Variants in DACH1 observed in about 807,000 individuals in gnomAD.
DACH1 encodes the protein dachshund homolog 1.
A neutral mutation model predicts 54.2 loss-of-function variants in DACH1; 12 were observed. The ratio of observed to expected loss-of-function variants is 0.22; its 90% CI spans 0.14 to 0.36. The LOEUF (loss-of-function observed/expected upper bound fraction) is 0.36, where lower values mean the gene tolerates loss of function less well. DACH1 is among the 10% of genes least tolerant of loss of function. The pLI, the probability that DACH1 is intolerant of heterozygous loss-of-function variation, is 1.00. For synonymous variants in DACH1, 386 were observed against 366.2 expected, an observed-to-expected ratio of 1.05 and a Z score of -0.62; for missense variants, 805 against 929.8, an observed-to-expected ratio of 0.87 and a Z score of 1.75.
chr13:71,643,024 C>CA (rs71742481), intron 2 of DACH1, among the ~76,000 whole-genome samples: 2,634 of 143,918 alleles, frequency 0.018, 40 homozygotes, highest in South Asian at 0.034. Context: ...GACTCCATCT[C>CA]AAAAAAAAAA....
intron 6 of DACH1, among the ~76,000 whole-genome samples, chr13:71,536,908 G>A (rs942737908): frequency 7.2e-5 from 11 of 152,006 alleles, no homozygotes; most frequent in African/African-American, 2.7e-4. Context: ...TCACCTAGAG[G>A]TCTTTAATAG....
intron 6 of DACH1, among the ~76,000 whole-genome samples, chr13:71,520,240 C>T (rs1593827607): frequency 6.6e-6 from 1 of 151,260 alleles, no homozygotes; most frequent in East Asian, 2.0e-4. Flanking sequence ...AAAATGGTAC[C>T]ATCTTCAGAA....
chr13:71,442,574 GAGTCCTCCCTTTTGCACAGAGTATACAGT>G (rs1314314478), intron 10 of DACH1, among the ~76,000 whole-genome samples: 1 of 152,182 alleles, frequency 6.6e-6, no homozygotes, highest in East Asian at 1.9e-4. Flanking sequence ...TGAGTATACA[GAGTCCTCCCTTTTGCACAGAGTATACAGT>G]AGTCCTCCCT....
At chr13:71,598,143 T>C (rs1045249254) in intron 3 of DACH1, among the ~76,000 whole-genome samples, 1 of 152,072 alleles carries the variant, frequency 6.6e-6, no homozygotes, top group Non-Finnish European at 1.5e-5. Context: ...ACCCTTTATA[T>C]TAAGATGCAC....
At chr13:71,844,056 TCAG>T (rs958329386) in intron 1 of DACH1, among the ~76,000 whole-genome samples, 1 of 152,134 alleles carries the variant, frequency 6.6e-6, no homozygotes, top group Non-Finnish European at 1.5e-5. Context: ...ACTACTTCCT[TCAG>T]CATATCCTTA....
intron 3 of DACH1, among the ~76,000 whole-genome samples, chr13:71,617,276 G>A (rs1286562397): frequency 7.9e-5 from 12 of 151,950 alleles, no homozygotes; most frequent in Admixed American, 7.2e-4. Flanking sequence ...GACAAATTAG[G>A]GAATACTGTC....
At chr13:71,691,086 G>A (rs1395372210) in intron 1 of DACH1, among the ~76,000 whole-genome samples, 2 of 152,104 alleles carry the variant, frequency 1.3e-5, no homozygotes, top group Non-Finnish European at 2.9e-5. Flanking sequence ...CAATGCATTT[G>A]GTCTTTCATT....
At chr13:71,752,488 T>TTC (rs112518177) in intron 1 of DACH1, among the ~76,000 whole-genome samples, 101,157 of 147,938 alleles carry the variant, frequency 0.68, 38,271 homozygotes, top group Non-Finnish European at 0.88. Flanking sequence ...CTCTCTTCCT[T>TTC]TCTCTCTCTC....
chr13:71,759,309 A>C (rs2138002858), intron 1 of DACH1, among the ~76,000 whole-genome samples: 1 of 152,228 alleles, frequency 6.6e-6, no homozygotes, highest in East Asian at 1.9e-4. Context: ...AAGACAGCCT[A>C]AGGGAGCTAA....
intron 1 of DACH1, among the ~76,000 whole-genome samples, chr13:71,865,049 A>C (rs1200129529): frequency 1.3e-5 from 2 of 152,042 alleles, no homozygotes; most frequent in African/African-American, 2.4e-5. Flanking sequence ...TTTCCTTCCT[A>C]ATCTCTCCAG....
rs115222772 is a variant in DACH1 at position 71,792,981 on chromosome 13, C to T, written c.848+72941G>A. On this transcript the variant is annotated intron_variant, in intron 1 of 10. Transcript: ENST00000613252. ...TCCTAAGAATATTATTGTAAAGGTC[C>T]TCTCTTTTGGAGCAGCTTTTAACCT... is the stretch of plus-strand genomic sequence containing the variant. 8.8e-3 allele frequency among the ~76,000 whole-genome samples: 1,336 copies of T among 152,218 alleles called. 22 individuals carry two copies. The highest frequency in any genetic ancestry group is 0.03 in the African/African-American group (1,263 of 41,540).
intron 1 of DACH1, among the ~76,000 whole-genome samples, chr13:71,686,594 G>T (rs1203279054): frequency 2.0e-5 from 3 of 152,204 alleles, no homozygotes; most frequent in Non-Finnish European, 2.9e-5. Flanking sequence ...AGCAAGAGAT[G>T]TTAGAGTACT....
chr13:71,448,807 T>C (rs539183538), intron 10 of DACH1, among the ~76,000 whole-genome samples: 1 of 144,792 alleles, frequency 6.9e-6, no homozygotes, highest in East Asian at 2.1e-4. Flanking sequence ...ACTGAAAAAG[T>C]AGTAACAGAT....
At chr13:71,508,984 C>T (rs553935271) in intron 6 of DACH1, among the ~76,000 whole-genome samples, 2 of 152,200 alleles carry the variant, frequency 1.3e-5, no homozygotes, top group Non-Finnish European at 2.9e-5. Flanking sequence ...TATACACTCA[C>T]CAAATTATCC....
rs550682269 is a variant in DACH1, at chr13:71,801,251, T to C, written c.848+64671A>G. On this transcript the variant is annotated intron_variant, in intron 1 of 10. Transcript: ENST00000613252. The stretch of plus-strand genomic sequence containing the variant: ...ATAGGGTGCAAATCAAATCTTATGA[T>C]GGTATATTCAAGCTCTCAGGATCTC... 2.0e-4 allele frequency among the ~76,000 whole-genome samples: 31 copies of C among 152,230 alleles called. No homozygotes were observed. In the South Asian group the frequency reaches 6.2e-3, roughly 31 times the overall value.
intron 10 of DACH1, among the ~76,000 whole-genome samples, chr13:71,457,997 G>A (rs1466635247): frequency 6.6e-6 from 1 of 151,760 alleles, no homozygotes; most frequent in African/African-American, 2.4e-5. Context: ...CAGCCATTTG[G>A]CTTTTGCATT....
intron 10 of DACH1, among the ~76,000 whole-genome samples, chr13:71,443,261 G>T (rs993167904): frequency 1.3e-5 from 2 of 151,560 alleles, no homozygotes; most frequent in African/African-American, 4.8e-5. Flanking sequence ...TCAACTTTAA[G>T]AATAATAATA....
At chr13:71,454,221 C>T (rs1308647405) in intron 10 of DACH1, among the ~76,000 whole-genome samples, 1 of 152,154 alleles carries the variant, frequency 6.6e-6, no homozygotes, top group Non-Finnish European at 1.5e-5. Context: ...TCTGCTCTGT[C>T]TTTAGATATA....
At chr13:71,639,098 A>T (rs925672080) in intron 2 of DACH1, among the ~76,000 whole-genome samples, 1 of 152,158 alleles carries the variant, frequency 6.6e-6, no homozygotes, top group Non-Finnish European at 1.5e-5. Context: ...GCTCAATATA[A>T]CAATTTGAAA....
Sources: allele counts gnomAD v4.1 joint callset (sites outside exome capture counted in the v4.1 genomes callset), GRCh38; gene constraint gnomAD v4.1.1; transcripts MANE v1.5; gene names NCBI Gene and HGNC (gene_info 2026-07-23, HGNC 2026-07-21).